The following ADGRB3 variants were observed in gnomAD, a reference collection of about 807,000 sequenced individuals.
The protein encoded by ADGRB3 is adhesion G protein-coupled receptor B3, also known as brain-specific angiogenesis inhibitor 3.
ADGRB3 carries 37 observed loss-of-function variants against 193.4 expected under a neutral mutation model. The observed-to-expected ratio is 0.19, with a 90% CI of 0.15 to 0.25. The LOEUF (loss-of-function observed/expected upper bound fraction) is 0.25, where lower values mean the gene tolerates loss of function less well. Among genes scored for constraint, ADGRB3 ranks in the 10% least tolerant of loss-of-function variants. ADGRB3 has a pLI of 1.00. For missense variants in ADGRB3, 1,637 were observed against 1,852.9 expected (o/e 0.88, Z 2.14); for synonymous variants, 690 against 644.2 (o/e 1.07, Z -1.08).
At position 68,919,603 on chromosome 6, in the gene ADGRB3, G is replaced by A. The variant is rs118132432; in HGVS notation, c.758-10956G>A. ...GAGGATGAAGAGTCACTAAGGCAATGAAAGAGACAGAAAAGCAGAAAAAAG... is the reference window on the plus strand; with the variant it reads ...GAGGATGAAGAGTCACTAAGGCAATAAAAGAGACAGAAAAGCAGAAAAAAG... On this transcript the variant is annotated intron_variant, in intron 3 of 31. Transcript: ENST00000370598. Among the ~76,000 whole-genome samples the A allele has an allele frequency of 7.6e-3, 1,155 of 152,226 alleles. 6 individuals carry two copies. Among genetic ancestry groups the A allele is most frequent in the Non-Finnish European group, 0.012 (824 of 68,010 alleles).
At chr6:68,905,139 A>C (rs1766507026) in intron 3 of ADGRB3, among the ~76,000 whole-genome samples, 1 of 152,168 alleles carries the variant, frequency 6.6e-6, no homozygotes, top group Admixed American at 6.6e-5. Context: ...GCCAATATGT[A>C]GCATTATTGC....
intron 17 of ADGRB3, among the ~76,000 whole-genome samples, chr6:69,131,778 C>A (rs866097916): frequency 2.7e-5 from 4 of 149,344 alleles, no homozygotes; most frequent in South Asian, 4.2e-4. Flanking sequence ...CCTCCCCTAG[C>A]CCCCCACCCC....
chr6:68,772,882 CAAAAAAAAAA>C (rs763967322), intron 3 of ADGRB3, among the ~76,000 whole-genome samples: 1 of 23,922 alleles, frequency 4.2e-5, no homozygotes, highest in African/African-American at 1.7e-4. Flanking sequence ...AACAAACAAA[CAAAAAAAAAA>C]AAATATATAT....
chr6:68,874,154 A>T (rs1440750646), intron 3 of ADGRB3, among the ~76,000 whole-genome samples: 1 of 152,130 alleles, frequency 6.6e-6, no homozygotes. Context: ...AGGATTTTCT[A>T]AAATGATGGG....
chr6:68,869,198 C>G (rs529164780), intron 3 of ADGRB3, among the ~76,000 whole-genome samples: 1 of 152,196 alleles, frequency 6.6e-6, no homozygotes, highest in South Asian at 2.1e-4. Context: ...GCATCTATCA[C>G]TTTCTAAATA....
At chr6:69,017,889 T>G (rs1483450524) in intron 12 of ADGRB3, among the ~76,000 whole-genome samples, 1 of 151,956 alleles carries the variant, frequency 6.6e-6, no homozygotes, top group Non-Finnish European at 1.5e-5. Flanking sequence ...TTATTACCAT[T>G]ATTCTTACAG....
At chr6:68,919,435 TG>T (rs2150241435) in intron 3 of ADGRB3, among the ~76,000 whole-genome samples, 1 of 152,270 alleles carries the variant, frequency 6.6e-6, no homozygotes, top group African/African-American at 2.4e-5. Context: ...TTAGTGTAGG[TG>T]GCCTGCAAAA....
chr6:69,267,742 T>A (rs931684337), intron 20 of ADGRB3, among the ~76,000 whole-genome samples: 1 of 152,168 alleles, frequency 6.6e-6, no homozygotes, highest in Non-Finnish European at 1.5e-5. Context: ...CAGCAGAAGC[T>A]ACTAATTACA....
chr6:69,243,908 T>C (rs1406125064), intron 20 of ADGRB3, among the ~76,000 whole-genome samples: 2 of 152,056 alleles, frequency 1.3e-5, no homozygotes, highest in African/African-American at 2.4e-5. Flanking sequence ...ATTGTAGATA[T>C]TATAACAAGC....
At chr6:69,323,057 G>A (rs1054724097) in intron 20 of ADGRB3, among the ~76,000 whole-genome samples, 9 of 151,960 alleles carry the variant, frequency 5.9e-5, no homozygotes, top group African/African-American at 2.2e-4. Context: ...TATACAGAAA[G>A]TAAATGTTAA....
chr6:68,801,200 C>A (rs1015152), intron 3 of ADGRB3, among the ~76,000 whole-genome samples: 2 of 151,988 alleles, frequency 1.3e-5, no homozygotes, highest in Non-Finnish European at 2.9e-5. Flanking sequence ...CAACAACAAA[C>A]TTTCCTTGAA....
At chr6:69,211,219 T>G (rs1390746771) in intron 17 of ADGRB3, among the ~76,000 whole-genome samples, 3 of 152,202 alleles carry the variant, frequency 2.0e-5, no homozygotes, top group Admixed American at 1.3e-4. Flanking sequence ...TATTTTTCAC[T>G]GTTTGCTGGA....
At chr6:69,384,272 G>C (rs544393415) in intron 31 of ADGRB3, among the ~76,000 whole-genome samples, 1 of 151,926 alleles carries the variant, frequency 6.6e-6, no homozygotes, top group African/African-American at 2.4e-5. Flanking sequence ...TGTATTATTT[G>C]TTATCACCAA....
intron 3 of ADGRB3, among the ~76,000 whole-genome samples, chr6:68,813,588 G>C (rs983990933): frequency 1.3e-5 from 2 of 151,648 alleles, no homozygotes; most frequent in Non-Finnish European, 2.9e-5. Flanking sequence ...TAAGTTTTAG[G>C]GTACATGTGC....
At chr6:68,980,789 C>T (rs1406262711) in intron 10 of ADGRB3, among the ~76,000 whole-genome samples, 1 of 151,298 alleles carries the variant, frequency 6.6e-6, no homozygotes, top group African/African-American at 2.4e-5. Flanking sequence ...GTTACCTGTT[C>T]TGCAAATTCT....
chr6:68,958,252 T>C (rs1562100305), intron 8 of ADGRB3, among the ~76,000 whole-genome samples: 1 of 152,056 alleles, frequency 6.6e-6, no homozygotes, highest in African/African-American at 2.4e-5. Flanking sequence ...CCATATGAAT[T>C]CAATATGATA....
chr6:68,796,010 A>T (rs1258220141), intron 3 of ADGRB3, among the ~76,000 whole-genome samples: 5 of 152,140 alleles, frequency 3.3e-5, no homozygotes, highest in Non-Finnish European at 7.4e-5. Context: ...GCTGCAAAAT[A>T]AATGATAACC....
chr6:68,861,970 T>G (rs543709196), intron 3 of ADGRB3, among the ~76,000 whole-genome samples: 1 of 152,302 alleles, frequency 6.6e-6, no homozygotes, highest in South Asian at 2.1e-4. Context: ...ACCATTATTG[T>G]CATTATCATT....
At chr6:69,289,329 G>A (rs148152638) in intron 20 of ADGRB3, among the ~76,000 whole-genome samples, 66 of 152,250 alleles carry the variant, frequency 4.3e-4, no homozygotes, top group African/African-American at 1.5e-3. Context: ...AAGAGAAGAT[G>A]TGTATCTCAA....
Sources: gnomAD v4.1 joint callset for allele counts (sites outside exome capture counted in the v4.1 genomes callset) on GRCh38, gnomAD v4.1.1 for gene constraint, MANE v1.5 for transcripts, NCBI Gene and HGNC (gene_info 2026-07-23, HGNC 2026-07-21) for gene names.